The following XKR9 variants were observed in gnomAD, a reference collection of about 807,000 sequenced individuals.
The protein encoded by XKR9 is XK-related protein 9.
XKR9 carries 32 observed loss-of-function variants against 32.0 expected under a neutral mutation model. The observed-to-expected ratio is 1.00, with a 90% CI of 0.76 to 1.34. The LOEUF is 1.34. XKR9 is among the 40% of genes most tolerant of loss of function. The pLI is 0.00. For missense variants in XKR9, 546 were observed against 429.7 expected, an observed-to-expected ratio of 1.27 and a Z score of -2.39; for synonymous variants, 168 against 143.4, an observed-to-expected ratio of 1.17 and a Z score of -1.22.
chr8:70,925,870 G>C, the XKR9 span, among the ~76,000 whole-genome samples: 1 of 152,148 alleles, frequency 6.6e-6, no homozygotes. Flanking sequence ...ATAACAAAAA[G>C]TATCTAGTAA....
At chr8:70,970,707 G>C in the XKR9 span, among the ~76,000 whole-genome samples, 7 of 152,100 alleles carry the variant, frequency 4.6e-5, no homozygotes, top group East Asian at 1.3e-3. Context: ...TCTTTATTCA[G>C]TCTGTTATTG....
chr8:71,032,281 CAAAA>C, the XKR9 span, among the ~76,000 whole-genome samples: 475 of 73,124 alleles, frequency 6.5e-3, 1 homozygote, highest in African/African-American at 0.022. Flanking sequence ...GAGACTCTGT[CAAAA>C]AAAAAAAAAA....
chr8:70,773,252 A>G (rs1254726214), intron 2 of XKR9, among the ~76,000 whole-genome samples: 1 of 152,174 alleles, frequency 6.6e-6, no homozygotes, highest in African/African-American at 2.4e-5. Flanking sequence ...CAGGATTATT[A>G]TTTGGCATGT....
chr8:71,040,176 T>A, the XKR9 span, among the ~76,000 whole-genome samples: 1 of 152,174 alleles, frequency 6.6e-6, no homozygotes, highest in Non-Finnish European at 1.5e-5. Context: ...TTATCTTTAT[T>A]TTTCGCAATG....
chr8:70,751,891 T>C (rs1807147420), intron 2 of XKR9, among the ~76,000 whole-genome samples: 1 of 152,190 alleles, frequency 6.6e-6, no homozygotes, highest in East Asian at 1.9e-4. Context: ...AGACATAATA[T>C]TGTGGGACTT....
intron 2 of XKR9, among the ~76,000 whole-genome samples, chr8:70,788,152 G>A (rs1021139500): frequency 2.0e-5 from 3 of 152,080 alleles, no homozygotes; most frequent in African/African-American, 7.2e-5. Context: ...TCAGTTCTGT[G>A]TGATTATGTC....
chr8:70,967,065 CTTT>C, the XKR9 span, among the ~76,000 whole-genome samples: 2 of 101,278 alleles, frequency 2.0e-5, no homozygotes, highest in African/African-American at 8.4e-5. Context: ...GATCTTGACT[CTTT>C]TTTTTTTTTT....
chr8:70,853,952 A>G, the XKR9 span, among the ~76,000 whole-genome samples: 1 of 152,134 alleles, frequency 6.6e-6, no homozygotes, highest in East Asian at 1.9e-4. Flanking sequence ...GTTGGTTCCA[A>G]GTCTTTGCTA....
the XKR9 span, among the ~76,000 whole-genome samples, chr8:70,847,675 C>G: frequency 6.6e-6 from 1 of 151,786 alleles, no homozygotes; most frequent in Non-Finnish European, 1.5e-5. Context: ...AAAAGATCAT[C>G]AGAGATTATT....
At chr8:70,681,533 A>G (rs1819084143) in intron 3 of XKR9, among the ~76,000 whole-genome samples, 3 of 152,036 alleles carry the variant, frequency 2.0e-5, no homozygotes, top group South Asian at 2.1e-4. Context: ...AAATGTTTAA[A>G]TTTATCTAAT....
chr8:70,894,532 C>G, the XKR9 span, among the ~76,000 whole-genome samples: 1 of 152,122 alleles, frequency 6.6e-6, no homozygotes, highest in Admixed American at 6.5e-5. Flanking sequence ...TACCAATTCC[C>G]CAGGGGGCAG....
the XKR9 span, among the ~76,000 whole-genome samples, chr8:71,001,295 T>A: frequency 3.9e-5 from 6 of 152,164 alleles, no homozygotes; most frequent in Admixed American, 3.9e-4. Flanking sequence ...AGGGTCTCAC[T>A]CCATCACCCA....
At chr8:70,878,676 A>T in the XKR9 span, among the ~76,000 whole-genome samples, 1 of 152,214 alleles carries the variant, frequency 6.6e-6, no homozygotes, top group African/African-American at 2.4e-5. Flanking sequence ...AGACCTACAA[A>T]GAGGCTTAGA....
At chr8:70,782,768 A>G (rs910655680) in intron 2 of XKR9, among the ~76,000 whole-genome samples, 1 of 152,134 alleles carries the variant, frequency 6.6e-6, no homozygotes, top group Non-Finnish European at 1.5e-5. Flanking sequence ...TCTTTTTAAA[A>G]GACTGAATAG....
chr8:70,745,540 T>C (rs1029273585), intron 2 of XKR9, among the ~76,000 whole-genome samples: 1 of 152,296 alleles, frequency 6.6e-6, no homozygotes. Flanking sequence ...GCCCCTATCC[T>C]GAGTTTCTTT....
chr8:70,737,073 C>T (rs1422381044), downstream of XKR9, among the ~76,000 whole-genome samples: 2 of 151,620 alleles, frequency 1.3e-5, no homozygotes, highest in Non-Finnish European at 3.0e-5. Context: ...TGGCCATTTT[C>T]ATGATATTGA....
chr8:70,750,611 C>T (rs1018554012), intron 2 of XKR9, among the ~76,000 whole-genome samples: 1 of 152,088 alleles, frequency 6.6e-6, no homozygotes, highest in Non-Finnish European at 1.5e-5. Flanking sequence ...GTCTGCTCTT[C>T]CTTTTAGAAA....
the XKR9 span, among the ~76,000 whole-genome samples, chr8:70,901,451 T>G: frequency 2.0e-5 from 3 of 152,228 alleles, no homozygotes; most frequent in African/African-American, 7.2e-5. Flanking sequence ...GCTGCATAAA[T>G]GTCTTCTTTT....
Position 70,734,210 on chromosome 8 carries a change from C to G in XKR9, c.908C>G (p.Thr303Ser), listed in dbSNP as rs760215423. 20 of 1,613,192 alleles carry G rather than the reference C, an allele frequency of 1.2e-5. No individual in the cohort carries two copies. The highest frequency in any genetic ancestry group is 6.7e-5 in the African/African-American group (5 of 74,898). Residue 303 changes from threonine to serine, a missense_variant, in exon 5 of 5, where the codon ACT (threonine) becomes AGT (serine). By Grantham distance (58) the Thr-to-Ser change is moderately conservative (BLOSUM62 1). Transcript: ENST00000408926. ...GTACTGGGCACTTTGGGGATATTGA[C>G]TGTATTCTGGGTTTGCCCCCTCACT... ...VRVLGTLGIL[T>S]VFWVCPLTIF...
Sources: allele counts gnomAD v4.1 joint callset (sites outside exome capture counted in the v4.1 genomes callset), GRCh38; gene constraint gnomAD v4.1.1; transcripts MANE v1.5; gene names NCBI Gene and HGNC (gene_info 2026-07-23, HGNC 2026-07-21).